The following DDX43 variants were observed in gnomAD, a reference collection of about 807,000 sequenced individuals.
DDX43 encodes probable ATP-dependent RNA helicase DDX43.
Under a neutral mutation model 84.9 loss-of-function variants are expected in DDX43, and 50 were observed. The observed-to-expected ratio is 0.59, with a 90% CI of 0.47 to 0.75. The LOEUF (loss-of-function observed/expected upper bound fraction) is 0.75. Among genes scored for constraint, DDX43 ranks in the 30% least tolerant of loss-of-function variants. The pLI is 0.00. For synonymous variants in DDX43, 291 were observed against 266.3 expected (o/e 1.09, Z -0.90); for missense variants, 689 against 798.6 (o/e 0.86, Z 1.65).
chr6:73,412,415 T>C, intron 11 of DDX43, 123 bp downstream of exon 11: 3 of 687,642 alleles, frequency 4.4e-6, no homozygotes, highest in Non-Finnish European at 7.4e-6. Flanking sequence ...CATATAGTTT[T>C]AATAGAGCTG....
At chr6:73,399,873 C>G (rs920237054) in intron 2 of DDX43, among the ~76,000 whole-genome samples, 1 of 152,058 alleles carries the variant, frequency 6.6e-6, no homozygotes. Context: ...GTAAAATTAG[C>G]GAAACAAATA....
chr6:73,412,179 G>A lies in DDX43; in HGVS notation c.1281-26G>A, dbSNP rs1184293306. On this transcript the variant is annotated intron_variant, in intron 10 of 16. Transcript: ENST00000370336. Reference sequence around the variant, plus strand: ...ATAGTAATGTTTTTACAACAAAATTGTAATGTTTGTAACTTGTATTCCCAG... The same window carrying A: ...ATAGTAATGTTTTTACAACAAAATTATAATGTTTGTAACTTGTATTCCCAG... The A allele has an allele frequency of 2.5e-6, 4 of 1,575,038 alleles. No individual in the cohort carries two copies. The East Asian group carries it at 6.7e-5, about 27-fold the overall frequency.
rs532712485 is a variant in DDX43, at chr6:73,410,411, G to A, written c.1280+1063G>A. 5.3e-5 allele frequency among the ~76,000 whole-genome samples: 8 copies of A among 152,276 alleles called. No homozygotes were observed. The South Asian group carries it at 1.5e-3, about 28-fold the overall frequency. ...ACTCCTGACCTCAGGTGATTCATCT[G>A]TCTAGGCCTCCCAAAGTGCTGGGAT... is the stretch of plus-strand genomic sequence containing the variant. On this transcript the variant is annotated intron_variant, in intron 10 of 16. Coordinates refer to ENST00000370336, the MANE Select transcript of DDX43 (RefSeq NM_018665.3).
Position 73,406,426 on chromosome 6 carries a change from A to G in DDX43, c.870A>G (p.Thr290=). The G allele has an allele frequency of 6.2e-7, 1 of 1,613,886 alleles. No individual in the cohort carries two copies. Among genetic ancestry groups the G allele is most frequent in the Non-Finnish European group, 8.5e-7 (1 of 1,179,804 alleles). The stretch of plus-strand genomic sequence containing the variant: ...TTATAGGAGTAGCCCAGACTGGAAC[A>G]GGAAAGACATTGTGTTATTTAATGC... The part of the protein sequence containing the change: ...IDLIGVAQTG[T]GKTLCYLMPG... The change falls in exon 7 of 17, where the codon ACA becomes ACG. Residue 290 remains threonine (T), a synonymous_variant. Coordinates refer to ENST00000370336, the MANE Select transcript of DDX43 (RefSeq NM_018665.3).
In DDX43 at chr6:73,395,024, C is replaced by T. The variant is rs745611761; in HGVS notation, c.119C>T (p.Pro40Leu). The change falls in exon 1 of 17, where the codon CCT (proline) becomes CTT (leucine). Residue 40 changes from proline to leucine, a missense_variant. This residue lies in a region of DDX43 where 137 missense variants were observed against 105.9 expected (regional missense o/e 1.29). Coordinates refer to ENST00000370336, the MANE Select transcript of DDX43 (RefSeq NM_018665.3). Reference protein sequence around the residue: ...RPAEELNRTGPEGYSVGRGGR... With the variant: ...RPAEELNRTGLEGYSVGRGGR... ...GCGGAGGAGTTGAATCGAACAGGTC[C>T]TGAGGGATATAGTGTCGGCAGAGGT... 4.3e-6 allele frequency: 7 copies of T among 1,614,108 alleles called. No individual in the cohort carries two copies. The East Asian group carries it at 8.9e-5, about 21-fold the overall frequency.
intron 11 of DDX43, 55 bp from the exon 12 acceptor site, chr6:73,413,603 G>T: frequency 2.6e-6 from 4 of 1,561,114 alleles, no homozygotes; most frequent in Non-Finnish European, 3.5e-6. Flanking sequence ...TGATGTATGC[G>T]GTCTCACCCT....
rs558198 is a variant in DDX43, at chr6:73,394,834, C to A, written c.-72C>A. 35 of 1,567,910 alleles carry A rather than the reference C, an allele frequency of 2.2e-5. No individual in the cohort carries two copies. The African/African-American group carries it at 3.9e-4, about 18-fold the overall frequency. ...GCTGCGTGGCTTCCCTGGCACGCTACTCTTACGACGTCACGGTCAGGTGGT... is the reference window on the plus strand; with the variant it reads ...GCTGCGTGGCTTCCCTGGCACGCTAATCTTACGACGTCACGGTCAGGTGGT... On this transcript the variant is annotated 5_prime_UTR_variant, in exon 1 of 17. Coordinates refer to ENST00000370336, the MANE Select transcript of DDX43 (RefSeq NM_018665.3).
chr6:73,398,550 T>A (rs1769513971), intron 2 of DDX43, among the ~76,000 whole-genome samples: 1 of 151,312 alleles, frequency 6.6e-6, no homozygotes, highest in Admixed American at 6.6e-5. Flanking sequence ...CCAGGCCCAG[T>A]CGGAGGTAAA....
intron 15 of DDX43, among the ~76,000 whole-genome samples, chr6:73,415,822 G>T (rs1428879534): frequency 6.6e-6 from 1 of 152,170 alleles, no homozygotes; most frequent in Admixed American, 6.5e-5. Flanking sequence ...GGTGGGGAAA[G>T]TTGTAGAAGA....
chr6:73,398,070 C>G (rs1276607733), intron 2 of DDX43: 1 of 192,206 alleles, frequency 5.2e-6, no homozygotes, highest in Non-Finnish European at 1.1e-5. Context: ...CTTGGCCTCC[C>G]AAAGTGTTGG....
chr6:73,411,342 T>G (rs938551761), intron 10 of DDX43, among the ~76,000 whole-genome samples: 4 of 150,642 alleles, frequency 2.7e-5, no homozygotes, highest in African/African-American at 9.7e-5. Flanking sequence ...TCTTTTTTTT[T>G]TTTTGAGACA....
intron 11 of DDX43, 96 bp from the exon 12 acceptor site, chr6:73,413,562 T>G (rs1199907503): frequency 4.0e-6 from 5 of 1,245,792 alleles, no homozygotes; most frequent in Non-Finnish European, 5.5e-6. Flanking sequence ...TTAAAAACAT[T>G]AACCAATGAG....
At chr6:73,403,992 T>C (rs140044994) in intron 4 of DDX43, among the ~76,000 whole-genome samples, 18 of 152,174 alleles carry the variant, frequency 1.2e-4, no homozygotes, top group African/African-American at 4.1e-4. Flanking sequence ...TAATTTTTTG[T>C]ATTTTTAGTA....
In DDX43 at chr6:73,410,358, T is replaced by A. The variant is rs377076427; in HGVS notation, c.1280+1010T>A. ...ATTATTGTATTTTTACCGATGGGGT[T>A]TCGCCATGTTGGCCAGGCTGGTCTC... On this transcript the variant is annotated intron_variant, in intron 10 of 16. Transcript: ENST00000370336. Among the ~76,000 whole-genome samples the A allele has an allele frequency of 3.3e-5, 5 of 152,212 alleles. No individual in the cohort carries two copies. The East Asian group carries it at 9.7e-4, about 30-fold the overall frequency.
At chr6:73,413,621 G>GT (rs1302246920) in intron 11 of DDX43, 37 bp from the exon 12 acceptor site, 2 of 1,601,370 alleles carry the variant, frequency 1.2e-6, no homozygotes, top group Admixed American at 3.5e-5. Context: ...CCTCAATCAT[G>GT]ATGACCTTGA....
In DDX43 at chr6:73,395,158, G is replaced by A; in HGVS notation, c.250+3G>A. ...CCACTTTGTTGGCGCGGTAATCGGT[G>A]AGAATGGGAGTGGCTGGCAGGGCAG... On this transcript the variant is annotated splice_donor_region_variant and intron_variant, in intron 1 of 16. Transcript: ENST00000370336. 6.2e-7 allele frequency: 1 copy of A among 1,606,890 alleles called. No individual in the cohort carries two copies. The highest frequency in any genetic ancestry group is 1.7e-4 in the Middle Eastern group (1 of 6,008).
chr6:73,412,668 T>TGTGCGC (rs538597626), intron 11 of DDX43, among the ~76,000 whole-genome samples: 4,020 of 107,978 alleles, frequency 0.037, 186 homozygotes, highest in Non-Finnish European at 0.05. Context: ...TGTGTGTGTG[T>TGTGCGC]GCGCGCGCGC....
chr6:73,415,676 T>C, intron 15 of DDX43, 92 bp downstream of exon 15: 1 of 901,360 alleles, frequency 1.1e-6, no homozygotes, highest in South Asian at 1.7e-5. Flanking sequence ...TCAGGAAGCT[T>C]CAAATAAGTT....
At chr6:73,405,453 C>A (rs954985171) in intron 5 of DDX43, among the ~76,000 whole-genome samples, 11 of 152,274 alleles carry the variant, frequency 7.2e-5, no homozygotes, top group Non-Finnish European at 1.2e-4. Flanking sequence ...CATTCATTGA[C>A]CTACTAATGT....
Sources: gnomAD v4.1 joint callset for allele counts (sites outside exome capture counted in the v4.1 genomes callset) on GRCh38, gnomAD v4.1.1 for gene constraint, gnomAD v4.1.1 regional missense constraint, MANE v1.5 for transcripts, NCBI Gene and HGNC (gene_info 2026-07-23, HGNC 2026-07-21) for gene names.